Variants in DSCAML1 observed in about 807,000 individuals in gnomAD.
DSCAML1 encodes DS cell adhesion molecule like 1.
Under a neutral mutation model 200.5 loss-of-function variants are expected in DSCAML1, and 38 were observed. The observed-to-expected ratio is 0.19, with a 90% CI of 0.15 to 0.25. The LOEUF (loss-of-function observed/expected upper bound fraction) is 0.25. Among genes scored for constraint, DSCAML1 ranks in the 10% least tolerant of loss-of-function variants. The pLI is 1.00. For missense variants in DSCAML1, 2,223 were observed against 2,858.8 expected (o/e 0.78, Z 5.07); for synonymous variants, 1,215 against 1,165.0 (o/e 1.04, Z -0.87).
intron 1 of DSCAML1, among the ~76,000 whole-genome samples, chr11:117,813,412 C>T (rs764136023): frequency 2.0e-5 from 3 of 152,150 alleles, no homozygotes; most frequent in East Asian, 1.9e-4. Flanking sequence ...TTTACACTGC[C>T]GGTTTATACT....
intron 3 of DSCAML1, among the ~76,000 whole-genome samples, chr11:117,629,732 C>T (rs531059734): frequency 1.3e-5 from 2 of 152,220 alleles, no homozygotes; most frequent in Admixed American, 6.5e-5. Flanking sequence ...CATGGTGGCT[C>T]GCTCCTGTAA....
intron 11 of DSCAML1, among the ~76,000 whole-genome samples, chr11:117,494,200 T>C (rs1219751750): frequency 1.3e-5 from 2 of 152,204 alleles, no homozygotes; most frequent in East Asian, 3.8e-4. Flanking sequence ...TTCCAGGTCA[T>C]TGCTGTGAAT....
intron 3 of DSCAML1, among the ~76,000 whole-genome samples, chr11:117,582,180 G>T (rs2051051031): frequency 6.6e-6 from 1 of 152,222 alleles, no homozygotes; most frequent in South Asian, 2.1e-4. Context: ...TCTGGACCTG[G>T]TGTCTAATTT....
rs1351211235 is a variant in DSCAML1, at chr11:117,503,920, T to C, written c.2284A>G (p.Ile762Val). The C allele has an allele frequency of 3.1e-6, 5 of 1,614,168 alleles. No homozygotes were observed. Among genetic ancestry groups the C allele is most frequent in the Non-Finnish European group, 3.4e-6 (4 of 1,180,028 alleles). The change falls in exon 11 of 33, where the codon ATC (isoleucine) becomes GTC (valine). Residue 762 changes from isoleucine (I) to valine (V), a missense_variant. Coordinates refer to ENST00000651296, the MANE Select transcript of DSCAML1 (RefSeq NM_020693.4). This position sits in a 1 kb window ranked among gnomAD's most constrained non-coding sequence, Gnocchi z 5.2. ...CTGGCCTGGCAGAGGTAGTAGCCGA[T>C]GTCCTCTTCTAGGACGTGGCGGATC... ...LLIRHVLEED[I>V]GYYLCQASNG...
intron 3 of DSCAML1, among the ~76,000 whole-genome samples, chr11:117,748,792 G>C (rs1248162446): frequency 6.6e-6 from 1 of 152,182 alleles, no homozygotes; most frequent in Admixed American, 6.5e-5. Context: ...AGAAAGACCT[G>C]TGTTATCTAC....
intron 3 of DSCAML1, among the ~76,000 whole-genome samples, chr11:117,766,238 C>A (rs975734433): frequency 6.6e-6 from 1 of 152,220 alleles, no homozygotes; most frequent in Non-Finnish European, 1.5e-5. Context: ...AAATCACAGG[C>A]TTGGCAGGAA....
intron 18 of DSCAML1, among the ~76,000 whole-genome samples, chr11:117,459,148 C>T (rs898159200): frequency 2.6e-5 from 4 of 152,230 alleles, no homozygotes; most frequent in African/African-American, 4.8e-5. Flanking sequence ...GGCCTGGGCC[C>T]GGCCTCAATT....
intron 11 of DSCAML1, among the ~76,000 whole-genome samples, chr11:117,495,892 A>G (rs1177607701): frequency 1.3e-5 from 2 of 152,240 alleles, no homozygotes; most frequent in African/African-American, 2.4e-5. Context: ...TATCATTCCT[A>G]TCATCTAGTG....
At chr11:117,791,171 A>G (rs2055459152) in intron 1 of DSCAML1, among the ~76,000 whole-genome samples, 2 of 152,064 alleles carry the variant, frequency 1.3e-5, no homozygotes, top group Non-Finnish European at 2.9e-5. Context: ...CCTCCCCAAC[A>G]TGTAGGATCC....
At chr11:117,514,773 G>A (rs1294818157) in intron 8 of DSCAML1, among the ~76,000 whole-genome samples, 1 of 151,932 alleles carries the variant, frequency 6.6e-6, no homozygotes, top group Non-Finnish European at 1.5e-5. Flanking sequence ...CTAGAGACAG[G>A]GTTTCTCCAC....
At position 117,428,412 on chromosome 11, in the gene DSCAML1, C is replaced by T. The variant is rs536857940; in HGVS notation, c.6078G>A (p.Ser2026=). The change falls in exon 33 of 33, where the codon TCG becomes TCA. Residue 2026 remains serine, a synonymous_variant. Coordinates refer to ENST00000651296, the MANE Select transcript of DSCAML1 (RefSeq NM_020693.4). ...PHTKMGGSRD[S]LLEMSTSGVG... is the part of the protein sequence containing the mutation. ...CCCCCGATGTGCTCATCTCGAGAAG[C>T]GAGTCCCTGGAGCCCCCCATTTTGG... 3.5e-5 allele frequency: 55 copies of T among 1,566,390 alleles called. No homozygotes were observed. In the South Asian group the frequency reaches 3.9e-4, roughly 11 times the overall value.
At chr11:117,456,362 T>C (rs892675334) in intron 19 of DSCAML1, among the ~76,000 whole-genome samples, 1 of 152,250 alleles carries the variant, frequency 6.6e-6, no homozygotes, top group Admixed American at 6.5e-5. Flanking sequence ...GAAATGTTTT[T>C]GCTGGCTTTC....
chr11:117,651,126 C>T (rs893750968), intron 3 of DSCAML1, among the ~76,000 whole-genome samples: 4 of 152,252 alleles, frequency 2.6e-5, no homozygotes, highest in Admixed American at 1.3e-4. Context: ...ACATTTTGAC[C>T]GAAGCCTCAA....
chr11:117,489,970 TC>T lies in DSCAML1; in HGVS notation c.2360-7809del, dbSNP rs2137244128. 6.6e-6 allele frequency among the ~76,000 whole-genome samples: 1 copy of T among 152,310 alleles called. No homozygotes were observed. Among genetic ancestry groups the T allele is most frequent in the Admixed American group, 6.5e-5 (1 of 15,302 alleles). On this transcript the variant is annotated intron_variant, in intron 11 of 32. Transcript: ENST00000651296. The surrounding 1 kb of genome is among the most constrained non-coding windows in gnomAD (Gnocchi z 4.8). Reference sequence around the variant, plus strand: ...AGTGCCCCAGGGCAGCCTGCCCCAGTCCACACTTAGGCTCACTCAGGGGAGC... The same window carrying T: ...AGTGCCCCAGGGCAGCCTGCCCCAGTCACACTTAGGCTCACTCAGGGGAGC...
At chr11:117,726,120 T>A (rs1018494515) in intron 3 of DSCAML1, among the ~76,000 whole-genome samples, 1 of 152,216 alleles carries the variant, frequency 6.6e-6, no homozygotes, top group Non-Finnish European at 1.5e-5. Context: ...GAAGTGGGAA[T>A]CAAGAGTACT....
chr11:117,687,426 A>ATTTTAAATTTTTTTTTTTT (rs552784985), intron 3 of DSCAML1, among the ~76,000 whole-genome samples: 1 of 97,684 alleles, frequency 1.0e-5, no homozygotes, highest in African/African-American at 4.1e-5. Flanking sequence ...ATGCCTGGCT[A>ATTTTAAATTTTTTTTTTTT]TTTTTTTTTT....
At chr11:117,765,340 G>A (rs1005072452) in intron 3 of DSCAML1, among the ~76,000 whole-genome samples, 1 of 152,228 alleles carries the variant, frequency 6.6e-6, no homozygotes, top group Non-Finnish European at 1.5e-5. Context: ...AGAGCGTAAT[G>A]GGAGGCTTGG....
chr11:117,758,634 C>T lies in DSCAML1; in HGVS notation c.511+18157G>A, dbSNP rs186470229. ...AGCCAGGATGGTCTCGATCTCCTGA[C>T]CTCGTGATCCGCCCACCTCGGCCTC... On this transcript the variant is annotated intron_variant, in intron 3 of 32. Transcript: ENST00000651296. 7.0e-4 allele frequency among the ~76,000 whole-genome samples: 106 copies of T among 152,140 alleles called. 1 individual carries two copies. Among genetic ancestry groups the T allele is most frequent in the Middle Eastern group, 6.8e-3 (2 of 294 alleles).
chr11:117,602,187 C>A (rs180805321), intron 3 of DSCAML1, among the ~76,000 whole-genome samples: 5 of 152,372 alleles, frequency 3.3e-5, no homozygotes, highest in African/African-American at 1.2e-4. Context: ...TAGGTTTGAG[C>A]ACCTGCTTTA....
Sources: gnomAD v4.1 joint callset for allele counts (sites outside exome capture counted in the v4.1 genomes callset) on GRCh38, gnomAD v4.1.1 for gene constraint, Gnocchi (gnomAD v3.1) non-coding constraint, MANE v1.5 for transcripts, NCBI Gene and HGNC (gene_info 2026-07-23, HGNC 2026-07-21) for gene names.